NT5C3B: variants seen among roughly 807,000 people sequenced by gnomAD.
NT5C3B encodes 5'-nucleotidase, cytosolic IIIB, also known as 7-methylguanosine phosphate-specific 5'-nucleotidase.
NT5C3B carries 28 observed loss-of-function variants against 32.5 expected under a neutral mutation model. That is an observed-to-expected ratio of 0.86 (90% CI 0.64 to 1.18). The LOEUF is 1.18. Among genes scored for constraint, NT5C3B ranks in the 50% most tolerant of loss-of-function variants. NT5C3B has a pLI of 0.00. For synonymous variants in NT5C3B, 138 were observed against 118.0 expected (o/e 1.17, Z -1.10); for missense variants, 317 against 322.0 (o/e 0.98, Z 0.12).
chr17:41,826,335 TG>T (rs1247463330), intron 8 of NT5C3B, among the ~76,000 whole-genome samples: 1 of 152,152 alleles, frequency 6.6e-6, no homozygotes, highest in African/African-American at 2.4e-5. Flanking sequence ...GTGATCTTCC[TG>T]CCTCAGCCTC....
intron 2 of NT5C3B, 44 bp downstream of exon 2, chr17:41,835,815 C>A: frequency 6.5e-7 from 1 of 1,543,580 alleles, no homozygotes; most frequent in Non-Finnish European, 8.8e-7. Context: ...GAAGCCTCTC[C>A]AGCCGCCCCC....
At chr17:41,826,308 C>T (rs2047962141) in intron 8 of NT5C3B, among the ~76,000 whole-genome samples, 1 of 152,124 alleles carries the variant, frequency 6.6e-6, no homozygotes, top group East Asian at 1.9e-4. Flanking sequence ...ACTGCAGCTT[C>T]AACCTCCTGG....
At chr17:41,834,381 CAA>C (rs1190662989) in intron 4 of NT5C3B, among the ~76,000 whole-genome samples, 2 of 99,920 alleles carry the variant, frequency 2.0e-5, no homozygotes, top group Non-Finnish European at 4.0e-5. Flanking sequence ...GACTCTGTCT[CAA>C]AAAAAAAAAT....
chr17:41,833,764 G>A (rs561668988), intron 4 of NT5C3B, among the ~76,000 whole-genome samples: 8 of 152,292 alleles, frequency 5.3e-5, no homozygotes, highest in Admixed American at 1.3e-4. Flanking sequence ...GGACAATTCC[G>A]TCAAAAGTGT....
At chr17:41,836,079 C>T (rs1299244568) in intron 1 of NT5C3B, 103 bp downstream of exon 1, 36 of 1,361,148 alleles carry the variant, frequency 2.6e-5, no homozygotes, top group Non-Finnish European at 2.6e-5. Flanking sequence ...GGCTACTGGC[C>T]TGGGTGAAGC....
At chr17:41,835,832 G>A (rs929367121) in intron 2 of NT5C3B, 27 bp downstream of exon 2, 9 of 1,582,724 alleles carry the variant, frequency 5.7e-6, no homozygotes, top group Non-Finnish European at 6.9e-6. Context: ...CCCCAGCCCG[G>A]CCGGCCCCCG....
At chr17:41,829,315 G>A (rs568742270) in intron 6 of NT5C3B, among the ~76,000 whole-genome samples, 3 of 152,198 alleles carry the variant, frequency 2.0e-5, no homozygotes, top group East Asian at 3.9e-4. Flanking sequence ...AGGCGAGATC[G>A]CGCCACTGCA....
At position 41,835,874 on chromosome 17, in the gene NT5C3B, G is replaced by A. The variant is rs782623006; in HGVS notation, c.96C>T (p.Gly32=). 22 of 1,608,666 alleles carry A rather than the reference G, an allele frequency of 1.4e-5. No individual in the cohort carries two copies. The highest frequency in any genetic ancestry group is 1.7e-5 in the Admixed American group (1 of 59,638). The change falls in exon 2 of 9, where the codon GGC becomes GGT. Residue 32 remains glycine (G), a synonymous_variant. Transcript: ENST00000435506. ...QEIVGALRKG[G]GDRLQVISDF... is the part of the protein sequence containing the mutation. Reference sequence around the variant, plus strand: ...CCAGAGGTACCTGTAACCGGTCTCCGCCGCCCTTGCGGAGGGCGCCCACGA... The same window carrying A: ...CCAGAGGTACCTGTAACCGGTCTCCACCGCCCTTGCGGAGGGCGCCCACGA...
At chr17:41,836,017 CG>C in intron 1 of NT5C3B, 60 bp from the exon 2 acceptor site, 1 of 1,465,604 alleles carries the variant, frequency 6.8e-7, no homozygotes, top group South Asian at 1.3e-5. Flanking sequence ...GAGGGGAGCC[CG>C]GGGCTCGCTC....
intron 2 of NT5C3B, chr17:41,835,537 C>T (rs1167057895): frequency 1.4e-5 from 10 of 690,000 alleles, no homozygotes; most frequent in Non-Finnish European, 2.6e-5. Context: ...ATATCAGGTC[C>T]CTCCTAAGAG....
intron 5 of NT5C3B, 138 bp downstream of exon 5, chr17:41,832,254 G>T: frequency 1.6e-6 from 1 of 634,956 alleles, no homozygotes; most frequent in Non-Finnish European, 2.7e-6. Flanking sequence ...GGTTCCAATA[G>T]CTGGACTAAT....
At chr17:41,827,150 C>CA (rs2047980409) in intron 8 of NT5C3B, among the ~76,000 whole-genome samples, 1 of 151,296 alleles carries the variant, frequency 6.6e-6, no homozygotes, top group Non-Finnish European at 1.5e-5. Context: ...ACTAAAAATA[C>CA]AAAAAATCAG....
At position 41,828,887 on chromosome 17, in the gene NT5C3B, G is replaced by A. The variant is rs782294653; in HGVS notation, c.470C>T (p.Ala157Val). ...TTCTTCCAGGATATCACCAATGCCC[G>A]CAGAAAAGATGAAAAGGGGAATGTT... ...HNNIPLFIFS[A>V]GIGDILEEII... The change falls in exon 7 of 9, where the codon GCG (alanine) becomes GTG (valine). Residue 157 changes from alanine (A) to valine (V), a missense_variant. Physicochemically the swap from Ala to Val is moderately conservative, Grantham distance 64 (BLOSUM62 0). Transcript: ENST00000435506. 111 of 1,613,464 alleles carry A rather than the reference G, an allele frequency of 6.9e-5. No homozygotes were observed. The highest frequency in any genetic ancestry group is 5.6e-4 in the East Asian group (25 of 44,886).
chr17:41,825,738 G>A (rs1400842655), intron 8 of NT5C3B, 81 bp from the exon 9 acceptor site: 3 of 840,366 alleles, frequency 3.6e-6, no homozygotes, highest in Admixed American at 3.5e-5. Flanking sequence ...CCCTGGGGCT[G>A]GGGAGGAGAG....
At chr17:41,833,076 ACT>A (rs1555619267) in intron 4 of NT5C3B, among the ~76,000 whole-genome samples, 149 of 152,160 alleles carry the variant, frequency 9.8e-4, no homozygotes, top group African/African-American at 3.6e-3. Flanking sequence ...ATTCCTTTGT[ACT>A]CACCCTGAGA....
rs1446230894 is a variant in NT5C3B, at chr17:41,825,346, C to T, written c.*177G>A. The T allele has an allele frequency of 1.0e-5, 6 of 584,918 alleles. No homozygotes were observed. The highest frequency in any genetic ancestry group is 2.2e-5 in the South Asian group (1 of 44,992). The allele number at this position is 584,918 out of a possible 1,614,324, so 36.2% of individuals were successfully genotyped here. The stretch of plus-strand genomic sequence containing the variant: ...ACAGTGCCTGTGCCCTGCCACATGG[C>T]GGGGTTCCTTCAAGCCTCTGGTGAT... On this transcript the variant is annotated 3_prime_UTR_variant, in exon 9 of 9. Coordinates refer to ENST00000435506, the MANE Select transcript of NT5C3B (RefSeq NM_052935.5).
rs561801822 is a variant in NT5C3B, at chr17:41,830,841, G to A, written c.364C>T (p.Gln122Ter). ...GACTCTCTAACCACCTGGGCTATCT[G>A]AAACTTCTGAATCTTCTGCTGACAT... The part of the protein sequence containing the change: ...LLCQQKIQKF[Q>*]IAQVVRESNA... Residue 122 changes from glutamine to a stop codon, truncating the protein, a stop_gained, in exon 6 of 9, where the codon CAG becomes TAG. Transcript: ENST00000435506. LOFTEE classifies it high-confidence loss of function. 4 of 1,612,028 alleles carry A rather than the reference G, an allele frequency of 2.5e-6. No homozygotes were observed. In the African/African-American group the frequency reaches 5.3e-5, roughly 22 times the overall value.
rs2048066115 is a variant in NT5C3B, at chr17:41,832,375, C to T, written c.314+17G>A. On this transcript the variant is annotated intron_variant, in intron 5 of 8. Coordinates refer to ENST00000435506, the MANE Select transcript of NT5C3B (RefSeq NM_052935.5). ...ATCTCAAGGGCCCAGAAGCTTTTCT[C>T]CACCACCATCACTCACCATTCCACC... The T allele has an allele frequency of 6.2e-7, 1 of 1,611,198 alleles. No homozygotes were observed. Among genetic ancestry groups the T allele is most frequent in the Non-Finnish European group, 8.5e-7 (1 of 1,177,710 alleles).
At chr17:41,834,625 GTAGT>G (rs2048112775) in intron 4 of NT5C3B, among the ~76,000 whole-genome samples, 1 of 151,998 alleles carries the variant, frequency 6.6e-6, no homozygotes, top group South Asian at 2.1e-4. Flanking sequence ...TTACATGCTT[GTAGT>G]TCCAGCTACT....
Sources: gnomAD v4.1 joint callset for allele counts (sites outside exome capture counted in the v4.1 genomes callset) on GRCh38, gnomAD v4.1.1 for gene constraint, MANE v1.5 for transcripts, NCBI Gene and HGNC (gene_info 2026-07-23, HGNC 2026-07-21) for gene names.